HECTD4: variants seen among roughly 807,000 people sequenced by gnomAD.
HECTD4 encodes the protein probable E3 ubiquitin-protein ligase HECTD4.
HECTD4 carries 114 observed loss-of-function variants against 471.5 expected under a neutral mutation model. The observed-to-expected ratio is 0.24, with a 90% CI of 0.21 to 0.28. The LOEUF is 0.28. Ranked by LOEUF, HECTD4 falls within the 10% of genes least tolerant of loss-of-function variation. The pLI is 1.00. For missense variants in HECTD4, 3,866 were observed against 5,651.5 expected, an observed-to-expected ratio of 0.68 and a Z score of 10.13; for synonymous variants, 2,012 against 2,256.0, an observed-to-expected ratio of 0.89 and a Z score of 3.07.
At chr12:112,246,566 C>T (rs1009354203) in intron 29 of HECTD4, among the ~76,000 whole-genome samples, 1 of 152,118 alleles carries the variant, frequency 6.6e-6, no homozygotes, top group Middle Eastern at 3.4e-3. Context: ...ACCTGGGAGG[C>T]GGAGGTTTCG....
intron 7 of HECTD4, chr12:112,302,005 G>C: frequency 1.1e-6 from 1 of 922,888 alleles, no homozygotes; most frequent in South Asian, 1.3e-5. Flanking sequence ...CATTGGTCCT[G>C]ATACCTTCCA....
At chr12:112,258,390 C>A in intron 20 of HECTD4, 106 bp downstream of exon 20, 1 of 751,566 alleles carries the variant, frequency 1.3e-6, no homozygotes, top group Non-Finnish European at 2.0e-6. Context: ...TTTTTCTTTT[C>A]ACAGCTAGAT....
At chr12:112,323,947 CTTCTTTCTTTCTTTCTTTCT>C (rs140401737) in intron 1 of HECTD4, among the ~76,000 whole-genome samples, 3 of 66,852 alleles carry the variant, frequency 4.5e-5, no homozygotes, top group Non-Finnish European at 2.7e-5. Flanking sequence ...TACTGAGGTG[CTTCTTTCTTTCTTTCTTTCT>C]TCCTTCCTTC....
At position 112,167,910 on chromosome 12, in the gene HECTD4, A is replaced by G; in HGVS notation, c.12216T>C (p.Ser4072=). The change falls in exon 71 of 76, where the codon TCT becomes TCC. Residue 4072 remains serine (S), a synonymous_variant. Coordinates refer to ENST00000682272, the MANE Select transcript of HECTD4 (RefSeq NM_001388303.1). ...ACACCTGCCACAGGAAGTGGCGGAA[A>G]GAGCCGCCTGTAGGACAGACGAGAC... ...TGEEVHGTSG[S]FRHFLWQVCK... 6.2e-7 allele frequency: 1 copy of G among 1,613,066 alleles called. No individual in the cohort carries two copies. Among genetic ancestry groups the G allele is most frequent in the Non-Finnish European group, 8.5e-7 (1 of 1,179,720 alleles).
chr12:112,263,724 TAC>T lies in HECTD4; in HGVS notation c.2748+358_2748+359del, dbSNP rs367597011. Among the ~76,000 whole-genome samples, 442 of 124,912 alleles carry T rather than the reference TAC, an allele frequency of 3.5e-3. 2 individuals are homozygous for T. The highest frequency in any genetic ancestry group is 8.2e-3 in the African/African-American group (296 of 36,102). 81.9% of individuals were successfully genotyped at this position (124,912 alleles called of 152,430 possible). A position where few individuals can be genotyped will look rare whatever the true frequency, so the allele number is the denominator to read the frequency against. On this transcript the variant is annotated intron_variant, in intron 17 of 75. Coordinates refer to ENST00000682272, the MANE Select transcript of HECTD4 (RefSeq NM_001388303.1). ...CAAGATTTTTATATATATATATATA[TAC>T]ACACACACACACACACACACACACA...
Position 112,235,691 on chromosome 12 carries a change from G to A in HECTD4, c.5538C>T (p.Val1846=). The change falls in exon 36 of 76, where the codon GTC becomes GTT. Residue 1846 remains valine, a synonymous_variant. Transcript: ENST00000682272. The surrounding 1 kb of genome is among the most constrained non-coding windows in gnomAD (Gnocchi z 5.0). ...CCCGGCACAGCTGGAGAATAATAAG[G>A]ACTAGCTTTGGAGACGGGCGTTGGT... ...LLDQRPSPKL[V]LIILQLCRAA... 1.9e-6 allele frequency: 3 copies of A among 1,614,020 alleles called. No homozygotes were observed. The highest frequency in any genetic ancestry group is 2.2e-5 in the South Asian group (2 of 91,072).
At chr12:112,199,144 T>A (rs1036015475) in intron 55 of HECTD4, among the ~76,000 whole-genome samples, 5 of 152,154 alleles carry the variant, frequency 3.3e-5, no homozygotes, top group African/African-American at 1.2e-4. Flanking sequence ...TGGGTAGGTA[T>A]GTAGGTGGGG....
intron 72 of HECTD4, among the ~76,000 whole-genome samples, chr12:112,164,965 C>T (rs2136996842): frequency 6.8e-6 from 1 of 146,210 alleles, no homozygotes; most frequent in East Asian, 2.0e-4. Flanking sequence ...CTCGCTCTGT[C>T]AGCTGGAGTG....
At chr12:112,245,843 T>C (rs2033747558) in intron 29 of HECTD4, among the ~76,000 whole-genome samples, 1 of 152,178 alleles carries the variant, frequency 6.6e-6, no homozygotes, top group Non-Finnish European at 1.5e-5. Context: ...AATTAAAATG[T>C]GACCTAGGCC....
At position 112,162,727 on chromosome 12, in the gene HECTD4, T is replaced by G. The variant is rs1335920776; in HGVS notation, c.13121-204A>C. ...GGAGAGAGCTGCTGGACAGCGCATG[T>G]GCCAAACTGCTGATGGGTTTGTCTG... On this transcript the variant is annotated intron_variant, in intron 75 of 75. Transcript: ENST00000682272. The surrounding 1 kb of genome is among the most constrained non-coding windows in gnomAD (Gnocchi z 5.2). 1.7e-6 allele frequency: 1 copy of G among 602,468 alleles called. No individual in the cohort carries two copies. Among genetic ancestry groups the G allele is most frequent in the Non-Finnish European group, 2.9e-6 (1 of 348,542 alleles). The allele number at this position is 602,468 out of a possible 1,614,324, so 37.3% of individuals were successfully genotyped here.
At chr12:112,282,738 T>C (rs954666967) in intron 8 of HECTD4, among the ~76,000 whole-genome samples, 1 of 152,252 alleles carries the variant, frequency 6.6e-6, no homozygotes, top group Non-Finnish European at 1.5e-5. Flanking sequence ...AAATATCTAC[T>C]GTAGAAGGCT....
In HECTD4 at chr12:112,283,228, G is replaced by A; in HGVS notation, c.1410C>T (p.Ala470=). 6.2e-7 allele frequency: 1 copy of A among 1,613,494 alleles called. No homozygotes were observed. Among genetic ancestry groups the A allele is most frequent in the Non-Finnish European group, 8.5e-7 (1 of 1,179,620 alleles). Residue 470 remains alanine (A), a synonymous_variant, in exon 8 of 76, where the codon GCC becomes GCT. Transcript: ENST00000682272. The part of the protein sequence containing the change: ...TILMRKEGES[A]KSINEMLLSR... Reference sequence around the variant, plus strand: ...TTAGAAGCATCTCATTAATGCTTTTGGCAGATTCGCCCTCTTTTCTCATTA... The same window carrying A: ...TTAGAAGCATCTCATTAATGCTTTTAGCAGATTCGCCCTCTTTTCTCATTA...
intron 1 of HECTD4, among the ~76,000 whole-genome samples, chr12:112,338,280 T>A (rs1338239056): frequency 6.6e-6 from 1 of 152,226 alleles, no homozygotes; most frequent in East Asian, 1.9e-4. Context: ...ATTCCACATC[T>A]ACAAAGACCC....
At chr12:112,263,440 C>T (rs2034192771) in intron 17 of HECTD4, among the ~76,000 whole-genome samples, 1 of 152,088 alleles carries the variant, frequency 6.6e-6, no homozygotes, top group South Asian at 2.1e-4. Context: ...ATGCAAACAA[C>T]AGCCTTGAGC....
intron 34 of HECTD4, 141 bp downstream of exon 34, chr12:112,238,911 T>A (rs912016767): frequency 1.8e-5 from 14 of 770,024 alleles, no homozygotes; most frequent in East Asian, 5.6e-5. Flanking sequence ...AAGTCTCTCA[T>A]GAAATCATCC....
chr12:112,341,740 T>C (rs1207466434), intron 1 of HECTD4, among the ~76,000 whole-genome samples: 5 of 152,194 alleles, frequency 3.3e-5, no homozygotes, highest in Non-Finnish European at 5.9e-5. Context: ...TTAATATGTG[T>C]TGGGGGCAGG....
Position 112,363,901 on chromosome 12 carries a change from G to A in HECTD4, c.177+18051C>T, listed in dbSNP as rs2036504102. On this transcript the variant is annotated intron_variant, in intron 1 of 75. Transcript: ENST00000682272. ...TGAGGCAGGAGAATTGCTTGAACCT[G>A]GGAGGTAGAGGTTGCAGTGAGCAGA... Among the ~76,000 whole-genome samples the A allele has an allele frequency of 2.0e-5, 3 of 150,906 alleles. 1 individual carries two copies. Among genetic ancestry groups the A allele is most frequent in the South Asian group, 4.2e-4 (2 of 4,742 alleles).
Position 112,163,395 on chromosome 12 carries a change from A to ATGACAATGATGACAATG in HECTD4, c.12897+130_12898-132dup. The stretch of plus-strand genomic sequence containing the variant: ...ACGTGTGGGCTGTGAGCACAGGGAG[A>ATGACAATGATGACAATG]TGACAATGATGACAATGATACAGGT... On this transcript the variant is annotated intron_variant, in intron 74 of 75. Transcript: ENST00000682272. This position sits in a 1 kb window ranked among gnomAD's most constrained non-coding sequence, Gnocchi z 8.2. 1 of 988,130 alleles carries ATGACAATGATGACAATG rather than the reference A, an allele frequency of 1.0e-6. No individual in the cohort carries two copies. The allele number at this position is 988,130 out of a possible 1,614,324, so 61.2% of individuals were successfully genotyped here.
At chr12:112,227,752 C>A (rs930260395) in intron 43 of HECTD4, among the ~76,000 whole-genome samples, 1 of 152,028 alleles carries the variant, frequency 6.6e-6, no homozygotes, top group Admixed American at 6.6e-5. Flanking sequence ...GATTCTCCTG[C>A]CTCAAGGTAG....
Sources: allele counts gnomAD v4.1 joint callset (sites outside exome capture counted in the v4.1 genomes callset), GRCh38; gene constraint gnomAD v4.1.1; non-coding constraint Gnocchi (gnomAD v3.1); transcripts MANE v1.5; gene names NCBI Gene and HGNC (gene_info 2026-07-23, HGNC 2026-07-21).